Variants in TIAM1 observed in about 807,000 individuals in gnomAD.
TIAM1 encodes the protein rho guanine nucleotide exchange factor TIAM1.
TIAM1 carries 65 observed loss-of-function variants against 163.5 expected under a neutral mutation model. That is an observed-to-expected ratio of 0.40 (90% CI 0.33 to 0.49). The LOEUF is 0.49. Among genes scored for constraint, TIAM1 ranks in the 20% least tolerant of loss-of-function variants. TIAM1 has a pLI of 0.77. For missense variants in TIAM1, 1,789 were observed against 2,044.7 expected (o/e 0.87, Z 2.41); for synonymous variants, 833 against 810.1 (o/e 1.03, Z -0.48).
At chr21:31,359,854 AAGGAAGGAAGGG>A (rs1194630764) in intron 2 of TIAM1, among the ~76,000 whole-genome samples, 22 of 92,530 alleles carry the variant, frequency 2.4e-4, no homozygotes, top group African/African-American at 5.2e-4. Flanking sequence ...GGAAGGAAGG[AAGGAAGGAAGGG>A]AGGGAGGGAG....
intron 6 of TIAM1, among the ~76,000 whole-genome samples, chr21:31,228,228 A>AAAAAC: frequency 3.7e-5 from 1 of 26,724 alleles, no homozygotes. Context: ...TTTAAAAAAA[A>AAAAAC]AAAAAAAAAA....
At chr21:31,495,250 T>C (rs775573151) in intron 1 of TIAM1, among the ~76,000 whole-genome samples, 35 of 152,154 alleles carry the variant, frequency 2.3e-4, no homozygotes, top group Admixed American at 3.3e-4. Context: ...AGGTAATTTA[T>C]AAAGAAGAGA....
At chr21:31,495,598 C>A (rs755291336) in intron 1 of TIAM1, among the ~76,000 whole-genome samples, 1 of 152,230 alleles carries the variant, frequency 6.6e-6, no homozygotes, top group African/African-American at 2.4e-5. Flanking sequence ...CACATTCGAA[C>A]CACAGCAATA....
chr21:31,165,000 C>G lies in TIAM1; in HGVS notation c.2953G>C (p.Asp985His). ...TCAGTCTCATCTGAGGATTCCAAGTCTGGCCCCTCGGTCTCCTCTGGAGCG... is the reference window on the plus strand; with the variant it reads ...TCAGTCTCATCTGAGGATTCCAAGTGTGGCCCCTCGGTCTCCTCTGGAGCG... ...ETAPEETEGPDLESSDETDHS... is the reference protein window; with the variant it reads ...ETAPEETEGPHLESSDETDHS... The change falls in exon 16 of 28, where the codon GAC (aspartate) becomes CAC (histidine). Residue 985 changes from aspartate to histidine, a missense_variant. Around this residue, in one of 5 missense-constraint regions of TIAM1, gnomAD observed 303 missense variants for 321.3 expected, o/e 0.94. Coordinates refer to ENST00000541036, the MANE Select transcript of TIAM1 (RefSeq NM_001353694.2). 6.2e-7 allele frequency: 1 copy of G among 1,614,170 alleles called. No homozygotes were observed. The highest frequency in any genetic ancestry group is 2.2e-5 in the East Asian group (1 of 44,880).
intron 13 of TIAM1, among the ~76,000 whole-genome samples, chr21:31,192,516 C>T (rs1416118538): frequency 2.6e-5 from 4 of 151,942 alleles, no homozygotes; most frequent in Non-Finnish European, 4.4e-5. Flanking sequence ...ACTTGGGAAG[C>T]AGGAGAATCA....
intron 24 of TIAM1, among the ~76,000 whole-genome samples, 177 bp from the exon 25 acceptor site, chr21:31,130,492 A>T (rs918623142): frequency 1.3e-5 from 2 of 152,162 alleles, no homozygotes; most frequent in Non-Finnish European, 2.9e-5. Context: ...CGTGATAAAT[A>T]CGTTGAGGGG....
At chr21:31,256,176 G>T (rs1488201264) in intron 4 of TIAM1, among the ~76,000 whole-genome samples, 1 of 152,172 alleles carries the variant, frequency 6.6e-6, no homozygotes, top group African/African-American at 2.4e-5. Context: ...ACACATTGTG[G>T]TAAGGCTCCA....
intron 2 of TIAM1, among the ~76,000 whole-genome samples, chr21:31,400,690 T>A (rs73358804): frequency 6.6e-6 from 1 of 152,164 alleles, no homozygotes; most frequent in African/African-American, 2.4e-5. Context: ...TAGTGGGGCA[T>A]AGAAGCCTTT....
At chr21:31,421,999 A>G (rs2043593327) in intron 2 of TIAM1, among the ~76,000 whole-genome samples, 1 of 152,158 alleles carries the variant, frequency 6.6e-6, no homozygotes, top group African/African-American at 2.4e-5. Flanking sequence ...CCATAGGCCT[A>G]GATAGGTGAC....
intron 27 of TIAM1, chr21:31,124,200 G>C (rs780319381): frequency 1.6e-5 from 4 of 253,780 alleles, no homozygotes; most frequent in African/African-American, 8.9e-5. Flanking sequence ...TCTGCAAGCA[G>C]GCTGAGACAG....
chr21:31,419,846 T>C (rs1423318132), intron 2 of TIAM1, among the ~76,000 whole-genome samples: 1 of 151,590 alleles, frequency 6.6e-6, no homozygotes, highest in Non-Finnish European at 1.5e-5. Flanking sequence ...AGGTCAGGAG[T>C]TCAAGACCAG....
chr21:31,285,339 A>G (rs529652960), intron 2 of TIAM1, among the ~76,000 whole-genome samples: 14 of 152,146 alleles, frequency 9.2e-5, no homozygotes, highest in Non-Finnish European at 1.9e-4. Context: ...AAGGGCTGGG[A>G]CTGCCTGCAT....
chr21:31,250,788 G>C (rs1020983171), intron 5 of TIAM1, among the ~76,000 whole-genome samples: 1 of 152,124 alleles, frequency 6.6e-6, no homozygotes, highest in Non-Finnish European at 1.5e-5. Flanking sequence ...ACATTTTCTA[G>C]GCTACCAGGA....
At chr21:31,438,725 C>G (rs1427184504) in intron 2 of TIAM1, among the ~76,000 whole-genome samples, 3 of 152,176 alleles carry the variant, frequency 2.0e-5, no homozygotes, top group African/African-American at 7.2e-5. Flanking sequence ...AAGTCTCTGT[C>G]TCAGTGCTAT....
In TIAM1 at chr21:31,186,992, C is replaced by T; in HGVS notation, c.2662+9G>A. On this transcript the variant is annotated intron_variant, in intron 14 of 27. Transcript: ENST00000541036. ...AGACAGACAGACCAGCCCTCCTTCA[C>T]TGACTTACCTTTCTTGGAAGCTAAA... is the stretch of plus-strand genomic sequence containing the variant. 1 of 1,613,844 alleles carries T rather than the reference C, an allele frequency of 6.2e-7. No individual in the cohort carries two copies. The highest frequency in any genetic ancestry group is 1.6e-4 in the Middle Eastern group (1 of 6,062).
chr21:31,424,818 A>C (rs1316156935), intron 2 of TIAM1, among the ~76,000 whole-genome samples: 2 of 152,244 alleles, frequency 1.3e-5, no homozygotes, highest in Non-Finnish European at 2.9e-5. Flanking sequence ...TTGGAGGCCA[A>C]GGCAGGCGGA....
At chr21:31,486,134 A>C (rs1486117522) in intron 1 of TIAM1, among the ~76,000 whole-genome samples, 2 of 152,226 alleles carry the variant, frequency 1.3e-5, no homozygotes, top group African/African-American at 4.8e-5. Flanking sequence ...GTCCACAATA[A>C]AATATGAACT....
chr21:31,152,887 G>C lies in TIAM1; in HGVS notation c.3241-126C>G, dbSNP rs1026699420. The C allele has an allele frequency of 3.5e-6, 5 of 1,412,314 alleles. No homozygotes were observed. The Admixed American group carries it at 9.8e-5, about 28-fold the overall frequency. 87.5% of individuals were successfully genotyped at this position (1,412,314 alleles called of 1,614,324 possible). A position where few individuals can be genotyped will look rare whatever the true frequency, so the allele number is the denominator to read the frequency against. On this transcript the variant is annotated intron_variant, in intron 18 of 27. Coordinates refer to ENST00000541036, the MANE Select transcript of TIAM1 (RefSeq NM_001353694.2). ...AAGAGAATAATCCCACTACCAGAGA[G>C]CGGGGCAGTTTTTTACTCTTCATGA...
intron 1 of TIAM1, among the ~76,000 whole-genome samples, chr21:31,473,932 T>C (rs1346645777): frequency 6.6e-6 from 1 of 152,176 alleles, no homozygotes; most frequent in African/African-American, 2.4e-5. Context: ...AAGAGGTTTA[T>C]TTGGCGCACA....
Sources: gnomAD v4.1 joint callset for allele counts (sites outside exome capture counted in the v4.1 genomes callset) on GRCh38, gnomAD v4.1.1 for gene constraint, gnomAD v4.1.1 regional missense constraint, MANE v1.5 for transcripts, NCBI Gene and HGNC (gene_info 2026-07-23, HGNC 2026-07-21) for gene names.